Variants in MICU3 observed in about 807,000 individuals in gnomAD.
MICU3 encodes mitochondrial calcium uptake 3.
A neutral mutation model predicts 66.5 loss-of-function variants in MICU3; 62 were observed. The observed-to-expected ratio is 0.93, with a 90% CI of 0.76 to 1.15. MICU3 has a LOEUF of 1.15. Among genes scored for constraint, MICU3 ranks in the 50% most tolerant of loss-of-function variants. MICU3 has a pLI of 0.00. For synonymous variants in MICU3, 308 were observed against 240.7 expected (o/e 1.28, Z -2.59); for missense variants, 779 against 664.4 (o/e 1.17, Z -1.90).
chr8:17,130,034 T>G, the MICU3 span, among the ~76,000 whole-genome samples: 1 of 152,118 alleles, frequency 6.6e-6, no homozygotes, highest in Non-Finnish European at 1.5e-5. Flanking sequence ...AAATAATGGT[T>G]ATATAAAGAC....
chr8:17,113,949 GAAC>G (rs143942412), intron 11 of MICU3, 141 bp from the exon 12 acceptor site: 7,142 of 508,630 alleles, frequency 0.014, 439 homozygotes, highest in African/African-American at 0.13. Context: ...TCCAGTTGGA[GAAC>G]AACGTCAAAA....
At position 17,037,282 on chromosome 8, in the gene MICU3, C is replaced by T. The variant is rs113532169; in HGVS notation, c.381+9622C>T. 1.2e-3 allele frequency among the ~76,000 whole-genome samples: 190 copies of T among 152,312 alleles called. 1 individual carries two copies. The highest frequency in any genetic ancestry group is 4.1e-3 in the African/African-American group (171 of 41,580). On this transcript the variant is annotated intron_variant, in intron 1 of 14. Transcript: ENST00000318063. ...GGGCTCCCACAGTGCAGCGGCGGGC[C>T]GAAGAGCTCCTCAAGTGCTGCCAAA...
At chr8:17,043,071 C>G (rs1284798746) in intron 1 of MICU3, among the ~76,000 whole-genome samples, 1 of 150,256 alleles carries the variant, frequency 6.7e-6, no homozygotes, top group Non-Finnish European at 1.5e-5. Flanking sequence ...TCCCGAGTAG[C>G]TGGGACTACA....
chr8:17,110,746 G>A (rs1054317080), intron 11 of MICU3, among the ~76,000 whole-genome samples: 6 of 151,474 alleles, frequency 4.0e-5, no homozygotes, highest in South Asian at 2.1e-4. Context: ...TGGGGAGGGG[G>A]GGGTAGAGAC....
chr8:17,094,432 A>G (rs1304913109), intron 8 of MICU3, among the ~76,000 whole-genome samples: 2 of 152,096 alleles, frequency 1.3e-5, no homozygotes, highest in African/African-American at 4.8e-5. Flanking sequence ...ATGTTAACAT[A>G]AACATTTTAA....
chr8:17,104,799 T>G (rs933514043), intron 10 of MICU3, among the ~76,000 whole-genome samples: 1 of 38,536 alleles, frequency 2.6e-5, no homozygotes, highest in African/African-American at 5.4e-4. Context: ...ATCGAGACCA[T>G]CCTGGCTAAC....
At chr8:17,102,849 T>C (rs1585512336) in intron 9 of MICU3, 1 of 151,974 alleles carries the variant, frequency 6.6e-6, no homozygotes, top group East Asian at 1.9e-4. Context: ...ATTCCAGCTA[T>C]GGAGAATTCT....
chr8:17,034,814 T>C (rs1812700632), intron 1 of MICU3, among the ~76,000 whole-genome samples: 1 of 152,204 alleles, frequency 6.6e-6, no homozygotes, highest in Non-Finnish European at 1.5e-5. Context: ...TTTCTTGAGA[T>C]GTAGTCTAAT....
At chr8:17,117,837 T>C (rs1802830255) in intron 13 of MICU3, among the ~76,000 whole-genome samples, 1 of 152,224 alleles carries the variant, frequency 6.6e-6, no homozygotes, top group Non-Finnish European at 1.5e-5. Flanking sequence ...CTCAAGCTCC[T>C]GACCTCAAGT....
At chr8:17,070,927 C>T (rs1226811869) in intron 3 of MICU3, among the ~76,000 whole-genome samples, 1 of 152,096 alleles carries the variant, frequency 6.6e-6, no homozygotes, top group African/African-American at 2.4e-5. Flanking sequence ...GTAGCATATA[C>T]AGCGTGGATA....
intron 12 of MICU3, among the ~76,000 whole-genome samples, chr8:17,116,161 C>G (rs931056128): frequency 1.3e-5 from 2 of 152,194 alleles, no homozygotes; most frequent in East Asian, 3.8e-4. Flanking sequence ...ACCTATTCAT[C>G]TTACTAACTT....
intron 9 of MICU3, 99 bp from the exon 10 acceptor site, chr8:17,104,292 T>G (rs1056457083): frequency 4.1e-6 from 2 of 483,796 alleles, no homozygotes; most frequent in African/African-American, 4.0e-5. Flanking sequence ...ACATTCTTGA[T>G]GTTTGTATGT....
intron 3 of MICU3, among the ~76,000 whole-genome samples, chr8:17,072,377 C>T (rs1819714786): frequency 6.6e-6 from 1 of 151,456 alleles, no homozygotes. Context: ...TATACAAAAA[C>T]TAATTTCAGA....
chr8:17,072,800 A>T (rs145758749), intron 3 of MICU3, among the ~76,000 whole-genome samples: 1 of 152,360 alleles, frequency 6.6e-6, no homozygotes, highest in East Asian at 1.9e-4. Context: ...GACACCCGCC[A>T]GATGGTGAGC....
chr8:17,118,373 T>C (rs181030993), intron 13 of MICU3, among the ~76,000 whole-genome samples: 1 of 152,290 alleles, frequency 6.6e-6, no homozygotes, highest in African/African-American at 2.4e-5. Flanking sequence ...TATATCAAAC[T>C]TATTAACAAA....
At chr8:17,126,495 G>C (rs1803408450), downstream of MICU3, among the ~76,000 whole-genome samples, 1 of 152,166 alleles carries the variant, frequency 6.6e-6, no homozygotes, top group Admixed American at 6.5e-5. Flanking sequence ...GTTACACATA[G>C]TTCTAATATA....
chr8:17,120,618 T>C lies in MICU3; in HGVS notation c.*331T>C, dbSNP rs990832080. The C allele has an allele frequency of 1.3e-5, 2 of 152,488 alleles. No homozygotes were observed. The highest frequency in any genetic ancestry group is 4.8e-5 in the African/African-American group (2 of 41,446). 9.4% of individuals were successfully genotyped at this position (152,488 alleles called of 1,614,324 possible). The stretch of plus-strand genomic sequence containing the variant: ...ACTTTCAATATTATTTTTTTATTTA[T>C]TCATTAGAAATTTTCCTCATTTCAA... On this transcript the variant is annotated 3_prime_UTR_variant, in exon 15 of 15. Coordinates refer to ENST00000318063, the MANE Select transcript of MICU3 (RefSeq NM_181723.3).
the MICU3 span, among the ~76,000 whole-genome samples, chr8:17,129,353 G>A: frequency 1.6e-3 from 239 of 152,256 alleles, no homozygotes; most frequent in African/African-American, 5.5e-3. Flanking sequence ...ATTTGAATTA[G>A]CAGATAAAAA....
At chr8:17,093,289 G>A (rs1800280840) in intron 8 of MICU3, among the ~76,000 whole-genome samples, 1 of 151,872 alleles carries the variant, frequency 6.6e-6, no homozygotes, top group Admixed American at 6.6e-5. Context: ...TGTATTAGAG[G>A]ATTTTTTTAG....
Sources: gnomAD v4.1 joint callset for allele counts (sites outside exome capture counted in the v4.1 genomes callset) on GRCh38, gnomAD v4.1.1 for gene constraint, MANE v1.5 for transcripts, NCBI Gene and HGNC (gene_info 2026-07-23, HGNC 2026-07-21) for gene names.